RNF103: variants seen among roughly 807,000 people sequenced by gnomAD.
The protein encoded by RNF103 is ring finger protein 103, also known as E3 ubiquitin-protein ligase RNF103.
A neutral mutation model predicts 66.2 loss-of-function variants in RNF103; 23 were observed. The observed-to-expected ratio is 0.35, with a 90% confidence interval of 0.25 to 0.49. The LOEUF (loss-of-function observed/expected upper bound fraction) is 0.49, where lower values mean the gene tolerates loss of function less well. Ranked by LOEUF, RNF103 falls within the 20% of genes least tolerant of loss-of-function variation. The pLI is 0.98. For missense variants in RNF103, 730 were observed against 814.7 expected (o/e 0.90, Z 1.27); for synonymous variants, 297 against 289.9 (o/e 1.02, Z -0.25).
Position 86,623,756 on chromosome 2 carries a change from A to T in RNF103, c.-870T>A, listed in dbSNP as rs1186924966. 7.8e-7 allele frequency: 1 copy of T among 1,280,590 alleles called. No homozygotes were observed. The highest frequency in any genetic ancestry group is 1.0e-6 in the Non-Finnish European group (1 of 985,468). 79.3% of individuals were successfully genotyped at this position (1,280,590 alleles called of 1,614,324 possible). A position where few individuals can be genotyped will look rare whatever the true frequency, so the allele number is the denominator to read the frequency against. ...CAGCGCCCGTCCCGCTCGGATGGGC[A>T]GTGCCGGTCGCAGCACCCGTCCCCA... On this transcript the variant is annotated 5_prime_UTR_variant, in exon 1 of 4. Coordinates refer to ENST00000237455, the MANE Select transcript of RNF103 (RefSeq NM_005667.4).
At chr2:86,607,141 A>G (rs150387090) in intron 3 of RNF103, among the ~76,000 whole-genome samples, 10 of 152,342 alleles carry the variant, frequency 6.6e-5, no homozygotes, top group African/African-American at 1.9e-4. Context: ...AAAAAAGACA[A>G]TCTACCACAT....
Position 86,623,594 on chromosome 2 carries a change from G to A in RNF103, c.-708C>T, listed in dbSNP as rs1214215635. On this transcript the variant is annotated 5_prime_UTR_variant, in exon 1 of 4. Transcript: ENST00000237455. ...GCCGGCTGGCGGGCGGCGCCTCTCA[G>A]GCGGGCGGGCACTGCGGCCCGGCCC... 37 of 1,010,908 alleles carry A rather than the reference G, an allele frequency of 3.7e-5. 2 individuals carry two copies. The South Asian group carries it at 1.1e-3, about 30-fold the overall frequency. The allele number at this position is 1,010,908 out of a possible 1,614,324, so 62.6% of individuals were successfully genotyped here.
intron 1 of RNF103, 27 bp downstream of exon 1, chr2:86,622,634 G>A: frequency 2.5e-6 from 4 of 1,611,636 alleles, no homozygotes; most frequent in Non-Finnish European, 3.4e-6. Flanking sequence ...CAGGTGGAGG[G>A]GACCCTAGGG....
intron 2 of RNF103, among the ~76,000 whole-genome samples, chr2:86,619,635 A>G (rs1251676007): frequency 1.3e-5 from 2 of 152,218 alleles, no homozygotes; most frequent in Admixed American, 1.3e-4. Flanking sequence ...TATGAAATTT[A>G]TGTTAATATA....
At chr2:86,622,467 C>T (rs1573373433) in intron 1 of RNF103, among the ~76,000 whole-genome samples, 194 bp downstream of exon 1, 1 of 152,196 alleles carries the variant, frequency 6.6e-6, no homozygotes, top group African/African-American at 2.4e-5. Context: ...CACCAACACT[C>T]CTCCAAATAA....
chr2:86,620,840 T>C (rs1207809494), intron 1 of RNF103, among the ~76,000 whole-genome samples: 3 of 152,200 alleles, frequency 2.0e-5, no homozygotes, highest in Non-Finnish European at 4.4e-5. Flanking sequence ...AGGCTTCATA[T>C]ACATTTTTAA....
At chr2:86,607,029 T>A (rs1202512979) in intron 3 of RNF103, among the ~76,000 whole-genome samples, 4 of 152,178 alleles carry the variant, frequency 2.6e-5, no homozygotes, top group Non-Finnish European at 1.5e-5. Context: ...TAGTTTTTCA[T>A]GTACCACACA....
Position 86,604,299 on chromosome 2 carries a change from A to C in RNF103, c.1602T>G (p.Asp534Glu). ...SEEEMSEGSQ[D>E]TENDSESENT... ...TCTCACTTTCCGAGTCATTTTCAGT[A>C]TCTTGAGACCCCTCCGACATTTCCT... is the stretch of plus-strand genomic sequence containing the variant. Residue 534 changes from aspartate to glutamate, a missense_variant, in exon 4 of 4, where the codon GAT (aspartate) becomes GAG (glutamate). Physicochemically the swap from Asp to Glu is conservative, Grantham distance 45 (BLOSUM62 2). This residue lies in a region of RNF103 where 355 missense variants were observed against 351.9 expected (regional missense o/e 1.01). Transcript: ENST00000237455. The C allele has an allele frequency of 1.2e-6, 2 of 1,614,222 alleles. No individual in the cohort carries two copies. Among genetic ancestry groups the C allele is most frequent in the Non-Finnish European group, 1.7e-6 (2 of 1,180,050 alleles).
At chr2:86,617,585 TG>T in intron 2 of RNF103, 1 of 884,508 alleles carries the variant, frequency 1.1e-6, no homozygotes, top group Non-Finnish European at 1.4e-6. Context: ...AGGCATCCAC[TG>T]GGGGTCTTGG....
At chr2:86,620,844 T>A (rs998331499) in intron 1 of RNF103, among the ~76,000 whole-genome samples, 8 of 152,208 alleles carry the variant, frequency 5.3e-5, no homozygotes, top group African/African-American at 1.7e-4. Flanking sequence ...TTCATATACA[T>A]TTTTAAACAG....
intron 2 of RNF103, 134 bp downstream of exon 2, chr2:86,620,196 C>T (rs1679172826): frequency 1.7e-6 from 2 of 1,153,556 alleles, no homozygotes; most frequent in Admixed American, 3.3e-5. Flanking sequence ...ACTGGAGCCT[C>T]CCTAAGAGAA....
In RNF103 at chr2:86,623,629, C is replaced by T; in HGVS notation, c.-743G>A. ...CACTGCGGCCCGGCCCAGGATGGGG[C>T]GTCGCGGTCTCTGCAGATGGAATCG... is the stretch of plus-strand genomic sequence containing the variant. On this transcript the variant is annotated 5_prime_UTR_variant, in exon 1 of 4. Coordinates refer to ENST00000237455, the MANE Select transcript of RNF103 (RefSeq NM_005667.4). 4 of 1,095,900 alleles carry T rather than the reference C, an allele frequency of 3.6e-6. No homozygotes were observed. Among genetic ancestry groups the T allele is most frequent in the South Asian group, 1.9e-5 (1 of 51,670 alleles). The allele number at this position is 1,095,900 out of a possible 1,614,324, so 67.9% of individuals were successfully genotyped here. A position where few individuals can be genotyped will look rare whatever the true frequency, so the allele number is the denominator to read the frequency against.
At position 86,621,691 on chromosome 2, in the gene RNF103, A is replaced by C. The variant is rs144083856; in HGVS notation, c.226+970T>G. 5.9e-3 allele frequency among the ~76,000 whole-genome samples: 898 copies of C among 152,318 alleles called. 8 individuals are homozygous for C. Among genetic ancestry groups the C allele is most frequent in the African/African-American group, 0.021 (865 of 41,572 alleles). On this transcript the variant is annotated intron_variant, in intron 1 of 3. Coordinates refer to ENST00000237455, the MANE Select transcript of RNF103 (RefSeq NM_005667.4). ...CTATAAGGTACTAAAGAAGGAAAAG[A>C]TTTGTCTTGTAAAAGATACAGCTGA...
Position 86,623,622 on chromosome 2 carries a change from G to A in RNF103, c.-736C>T, listed in dbSNP as rs1679328220. ...GGGCGGGCACTGCGGCCCGGCCCAG[G>A]ATGGGGCGTCGCGGTCTCTGCAGAT... is the stretch of plus-strand genomic sequence containing the variant. On this transcript the variant is annotated 5_prime_UTR_variant, in exon 1 of 4. Transcript: ENST00000237455. 5.5e-6 allele frequency: 6 copies of A among 1,093,306 alleles called. No individual in the cohort carries two copies. Among genetic ancestry groups the A allele is most frequent in the Non-Finnish European group, 6.7e-6 (6 of 891,690 alleles). The allele number at this position is 1,093,306 out of a possible 1,614,324, so 67.7% of individuals were successfully genotyped here.
intron 1 of RNF103, among the ~76,000 whole-genome samples, chr2:86,621,603 C>G (rs1347446145): frequency 9.9e-5 from 15 of 152,158 alleles, no homozygotes; most frequent in Admixed American, 9.8e-4. Context: ...TAACCCGCAA[C>G]CTACAAATAT....
At chr2:86,606,313 T>TA (rs1268864012) in intron 3 of RNF103, among the ~76,000 whole-genome samples, 17 of 152,148 alleles carry the variant, frequency 1.1e-4, no homozygotes, top group African/African-American at 3.9e-4. Flanking sequence ...CTTGCTAGGA[T>TA]ATTTGTGATA....
At position 86,622,950 on chromosome 2, in the gene RNF103, G is replaced by A. The variant is rs7575444; in HGVS notation, c.-64C>T. On this transcript the variant is annotated 5_prime_UTR_variant, in exon 1 of 4. Coordinates refer to ENST00000237455, the MANE Select transcript of RNF103 (RefSeq NM_005667.4). ...TACGGGAGAGAGAAGGGTCGAGGGC[G>A]GGGGCCGCGGCTCGGTGGCAGCTTG... The A allele has an allele frequency of 8.9e-4, 1,330 of 1,501,364 alleles. 13 individuals are homozygous for A. In the African/African-American group the frequency reaches 0.016, roughly 18 times the overall value. The allele number at this position is 1,501,364 out of a possible 1,614,324, so 93.0% of individuals were successfully genotyped here.
In RNF103 at chr2:86,605,412, G is replaced by A. The variant is rs1262355440; in HGVS notation, c.489C>T (p.Cys163=). Residue 163 remains cysteine (C), a synonymous_variant, in exon 4 of 4, where the codon TGC becomes TGT. Transcript: ENST00000237455. ...TFNCSSDPRY[C]RRRGWVRSTL... is the part of the protein sequence containing the mutation. ...TGGATCGGACCCAGCCTCTTCTCCT[G>A]CAATATCTACAAGAGAGGAAACTGT... The A allele has an allele frequency of 6.2e-7, 1 of 1,605,056 alleles. No individual in the cohort carries two copies. Among genetic ancestry groups the A allele is most frequent in the East Asian group, 2.2e-5 (1 of 44,762 alleles).
chr2:86,607,533 A>G (rs1022210143), intron 3 of RNF103, among the ~76,000 whole-genome samples: 4 of 152,220 alleles, frequency 2.6e-5, no homozygotes, highest in African/African-American at 9.6e-5. Context: ...TTAATAAGAC[A>G]GATTCCATTA....
Sources: allele counts gnomAD v4.1 joint callset (sites outside exome capture counted in the v4.1 genomes callset), GRCh38; gene constraint gnomAD v4.1.1; regional missense constraint gnomAD v4.1.1; transcripts MANE v1.5; gene names NCBI Gene and HGNC (gene_info 2026-07-23, HGNC 2026-07-21).